UNK: variants seen among roughly 807,000 people sequenced by gnomAD.
UNK encodes the protein RING finger protein unkempt homolog.
In UNK, 32 loss-of-function variants were observed where a neutral mutation model predicts 97.6. The ratio of observed to expected loss-of-function variants is 0.33; its 90% confidence interval spans 0.25 to 0.44. The LOEUF (loss-of-function observed/expected upper bound fraction) is 0.44. Ranked by LOEUF, UNK falls within the 20% of genes least tolerant of loss-of-function variation. The probability of loss-of-function intolerance (pLI) is 1.00; values close to 1 mark genes in which losing one functional copy is unlikely to be tolerated. For synonymous variants in UNK, 441 were observed against 461.2 expected, an observed-to-expected ratio of 0.96 and a Z score of 0.56; for missense variants, 771 against 1,098.4, an observed-to-expected ratio of 0.70 and a Z score of 4.21.
In UNK at chr17:75,816,660, T is replaced by C. The variant is rs1316333189; in HGVS notation, c.962-110T>C. On this transcript the variant is annotated intron_variant, in intron 7 of 15. Coordinates refer to ENST00000589666, the MANE Select transcript of UNK (RefSeq NM_001080419.3). This position sits in a 1 kb window ranked among gnomAD's most constrained non-coding sequence, Gnocchi z 4.0. ...GTTACTAGAGATGTCGTAGGAACCT[T>C]CCCTTTATGTGCAGGGGGATTTGTG... 2 of 1,351,940 alleles carry C rather than the reference T, an allele frequency of 1.5e-6. No homozygotes were observed. 83.7% of individuals were successfully genotyped at this position (1,351,940 alleles called of 1,614,324 possible). A position where few individuals can be genotyped will look rare whatever the true frequency, so the allele number is the denominator to read the frequency against.
At chr17:75,790,002 G>A (rs1305818971) in intron 1 of UNK, among the ~76,000 whole-genome samples, 1 of 152,036 alleles carries the variant, frequency 6.6e-6, no homozygotes, top group Non-Finnish European at 1.5e-5. Context: ...AAATAGCTGG[G>A]CATGGTGGCG....
chr17:75,818,898 C>T lies in UNK; in HGVS notation c.1546+82C>T. ...CCAGTCTCTGAAGCGAGTCTCAAAT[C>T]AGCACACCAGACCCCTTAGACATCT... is the stretch of plus-strand genomic sequence containing the variant. On this transcript the variant is annotated intron_variant, in intron 11 of 15. Transcript: ENST00000589666. The surrounding 1 kb of genome is among the most constrained non-coding windows in gnomAD (Gnocchi z 5.1). The T allele has an allele frequency of 1.4e-6, 2 of 1,406,646 alleles. No individual in the cohort carries two copies. Among genetic ancestry groups the T allele is most frequent in the East Asian group, 2.6e-5 (1 of 37,790 alleles). The allele number at this position is 1,406,646 out of a possible 1,614,324, so 87.1% of individuals were successfully genotyped here. A position where few individuals can be genotyped will look rare whatever the true frequency, so the allele number is the denominator to read the frequency against.
intron 1 of UNK, among the ~76,000 whole-genome samples, chr17:75,795,253 C>T (rs2061795597): frequency 6.6e-6 from 1 of 152,080 alleles, no homozygotes; most frequent in African/African-American, 2.4e-5. Context: ...ACTAAAGGGT[C>T]ATAAAACTGG....
intron 13 of UNK, among the ~76,000 whole-genome samples, chr17:75,820,391 G>C (rs1267707257): frequency 6.6e-6 from 1 of 152,222 alleles, no homozygotes; most frequent in Non-Finnish European, 1.5e-5. Flanking sequence ...TAGGCACGAG[G>C]CCAGTGCAGG....
intron 13 of UNK, among the ~76,000 whole-genome samples, chr17:75,820,313 A>G (rs1319578868): frequency 6.6e-6 from 1 of 152,194 alleles, no homozygotes; most frequent in Non-Finnish European, 1.5e-5. Flanking sequence ...CTGCTGTGAA[A>G]TGGGTATAAC....
chr17:75,787,928 C>T (rs777159497), intron 1 of UNK, among the ~76,000 whole-genome samples: 3 of 152,022 alleles, frequency 2.0e-5, no homozygotes, highest in Admixed American at 6.6e-5. Flanking sequence ...GCTGGGACTA[C>T]AGGCACATAC....
intron 1 of UNK, among the ~76,000 whole-genome samples, chr17:75,802,192 T>C (rs2061866313): frequency 6.7e-6 from 1 of 149,472 alleles, no homozygotes; most frequent in African/African-American, 2.5e-5. Context: ...GGGAATCTTG[T>C]GATAAGTGCT....
chr17:75,792,603 A>AGTTATCTATATGG, intron 1 of UNK: 7 of 537,398 alleles, frequency 1.3e-5, no homozygotes, highest in African/African-American at 2.1e-5. Flanking sequence ...TACCATATAG[A>AGTTATCTATATGG]TAACTCTATA....
At chr17:75,814,518 A>C (rs570694010) in intron 6 of UNK, among the ~76,000 whole-genome samples, 1 of 143,694 alleles carries the variant, frequency 7.0e-6, no homozygotes, top group East Asian at 2.0e-4. Flanking sequence ...AAAAGGATTG[A>C]AAAAAAGTAA....
chr17:75,796,349 T>TA lies in UNK; in HGVS notation c.104+11366dup, dbSNP rs1395688146. ...TTTTTTTTTTTTTGAGATATGGTCTTACTGTGTCACCCAGGCTAGAGTGCA... is the reference window on the plus strand; with the variant it reads ...TTTTTTTTTTTTTGAGATATGGTCTTAACTGTGTCACCCAGGCTAGAGTGCA... On this transcript the variant is annotated intron_variant, in intron 1 of 15. Coordinates refer to ENST00000589666, the MANE Select transcript of UNK (RefSeq NM_001080419.3). 3.3e-5 allele frequency among the ~76,000 whole-genome samples: 5 copies of TA among 151,422 alleles called. No homozygotes were observed. The East Asian group carries it at 9.7e-4, about 29-fold the overall frequency.
At position 75,818,318 on chromosome 17, in the gene UNK, AG is replaced by A. The variant is rs1000467229; in HGVS notation, c.1371+155del. ...TCCCAGCCACAAATCCAGAGAGGGT[AG>A]GGGGTCAGGCCCTGGAGCCCCTCAC... On this transcript the variant is annotated intron_variant, in intron 10 of 15. Transcript: ENST00000589666. The surrounding 1 kb of genome is among the most constrained non-coding windows in gnomAD (Gnocchi z 5.1). 1.1e-6 allele frequency: 1 copy of A among 901,240 alleles called. No individual in the cohort carries two copies. The highest frequency in any genetic ancestry group is 1.7e-6 in the Non-Finnish European group (1 of 592,578). The allele number at this position is 901,240 out of a possible 1,614,324, so 55.8% of individuals were successfully genotyped here. A position where few individuals can be genotyped will look rare whatever the true frequency, so the allele number is the denominator to read the frequency against.
intron 1 of UNK, among the ~76,000 whole-genome samples, chr17:75,787,819 G>T (rs111852804): frequency 6.7e-5 from 10 of 148,554 alleles, no homozygotes; most frequent in Non-Finnish European, 1.2e-4. Flanking sequence ...AGTGAGACTC[G>T]GTCCAAAAAA....
At chr17:75,787,835 A>C (rs567538971) in intron 1 of UNK, among the ~76,000 whole-genome samples, 1 of 151,604 alleles carries the variant, frequency 6.6e-6, no homozygotes, top group Non-Finnish European at 1.5e-5. Flanking sequence ...AAAAAAAAAA[A>C]AAAGAGAGAC....
intron 1 of UNK, among the ~76,000 whole-genome samples, chr17:75,801,889 GC>G (rs1271781336): frequency 6.7e-6 from 1 of 148,730 alleles, no homozygotes; most frequent in Non-Finnish European, 1.5e-5. Flanking sequence ...TTGCTCTGAT[GC>G]CCAGGCTGGA....
At chr17:75,798,022 A>C (rs921915069) in intron 1 of UNK, among the ~76,000 whole-genome samples, 3 of 151,668 alleles carry the variant, frequency 2.0e-5, no homozygotes, top group African/African-American at 7.3e-5. Context: ...TACAGGGTGG[A>C]CATTCATGCA....
rs555218472 is a variant in UNK at position 75,817,941 on chromosome 17, G to A, written c.1306-162G>A. Among the ~76,000 whole-genome samples, 7 of 152,174 alleles carry A rather than the reference G, an allele frequency of 4.6e-5. No homozygotes were observed. Among genetic ancestry groups the A allele is most frequent in the South Asian group, 2.1e-4 (1 of 4,826 alleles). ...CAGCTCCCTGCTTAGGGTAGGGGAAGGGAGTAGGGGGTGGGGAGGAAGAAG... is the reference window on the plus strand; with the variant it reads ...CAGCTCCCTGCTTAGGGTAGGGGAAAGGAGTAGGGGGTGGGGAGGAAGAAG... On this transcript the variant is annotated intron_variant, in intron 9 of 15. Transcript: ENST00000589666. The surrounding 1 kb of genome is among the most constrained non-coding windows in gnomAD (Gnocchi z 5.8).
chr17:75,815,131 A>C, intron 6 of UNK, 38 bp from the exon 7 acceptor site: 1 of 1,594,096 alleles, frequency 6.3e-7, no homozygotes, highest in Non-Finnish European at 8.6e-7. Flanking sequence ...GCCTTCCCTC[A>C]GGGCCTGAGC....
At chr17:75,809,374 A>G (rs2061947871) in intron 1 of UNK, among the ~76,000 whole-genome samples, 1 of 152,226 alleles carries the variant, frequency 6.6e-6, no homozygotes, top group South Asian at 2.1e-4. Context: ...TGGGTAGCAG[A>G]GGCCTGTAGA....
At position 75,817,469 on chromosome 17, in the gene UNK, C is replaced by T. The variant is rs759270900; in HGVS notation, c.1248C>T (p.Pro416=). 62 of 1,613,068 alleles carry T rather than the reference C, an allele frequency of 3.8e-5. No individual in the cohort carries two copies. Among genetic ancestry groups the T allele is most frequent in the Admixed American group, 1.0e-4 (6 of 59,974 alleles). ...CCCCTGGCAGCTATAAGAAGGCTCC[C>T]GGCTTCGAGAGGGAAGACCAGGTGG... ...GLAPGSYKKA[P]GFEREDQVGA... The change falls in exon 9 of 16, where the codon CCC becomes CCT. Residue 416 remains proline, a synonymous_variant. Transcript: ENST00000589666. The surrounding 1 kb of genome is among the most constrained non-coding windows in gnomAD (Gnocchi z 5.8).
Sources: allele counts gnomAD v4.1 joint callset (sites outside exome capture counted in the v4.1 genomes callset), GRCh38; gene constraint gnomAD v4.1.1; non-coding constraint Gnocchi (gnomAD v3.1); transcripts MANE v1.5; gene names NCBI Gene and HGNC (gene_info 2026-07-23, HGNC 2026-07-21).